Variants in FNIP1 observed in about 807,000 individuals in gnomAD.
The protein encoded by FNIP1 is folliculin interacting protein 1.
Under a neutral mutation model 124.5 loss-of-function variants are expected in FNIP1, and 40 were observed. The observed-to-expected ratio is 0.32, with a 90% CI of 0.25 to 0.42. The LOEUF (loss-of-function observed/expected upper bound fraction) is 0.42, where lower values mean the gene tolerates loss of function less well. FNIP1 is among the 10% of genes least tolerant of loss of function. The pLI, the probability that FNIP1 is intolerant of heterozygous loss-of-function variation, is 1.00. For synonymous variants in FNIP1, 472 were observed against 470.6 expected (o/e 1.00, Z -0.04); for missense variants, 1,176 against 1,403.7 (o/e 0.84, Z 2.59).
At chr5:131,721,550 G>A (rs191402767) in intron 3 of FNIP1, among the ~76,000 whole-genome samples, 1 of 152,242 alleles carries the variant, frequency 6.6e-6, no homozygotes, top group East Asian at 1.9e-4. Context: ...TGTAATACCA[G>A]CATTTTGGGA....
intron 17 of FNIP1, among the ~76,000 whole-genome samples, chr5:131,645,179 G>A (rs550329534): frequency 6.6e-6 from 1 of 152,092 alleles, no homozygotes; most frequent in South Asian, 2.1e-4. Flanking sequence ...AAAACTAGCT[G>A]GGCATGGTGG....
intron 1 of FNIP1, among the ~76,000 whole-genome samples, chr5:131,792,364 TTGG>T (rs1202619478): frequency 6.6e-6 from 1 of 152,138 alleles, no homozygotes; most frequent in Non-Finnish European, 1.5e-5. Context: ...TTTCACCACA[TTGG>T]CCAGGCTGGT....
intron 15 of FNIP1, among the ~76,000 whole-genome samples, chr5:131,662,568 G>A (rs530716777): frequency 3.3e-5 from 5 of 152,268 alleles, no homozygotes; most frequent in African/African-American, 1.2e-4. Flanking sequence ...CCCTCCCACA[G>A]TGGTGGGTGG....
chr5:131,711,525 G>C (rs1469793425), intron 6 of FNIP1, among the ~76,000 whole-genome samples: 2 of 152,176 alleles, frequency 1.3e-5, no homozygotes, highest in East Asian at 3.8e-4. Flanking sequence ...ACAGAGTTTT[G>C]CTCTGTCATG....
intron 3 of FNIP1, among the ~76,000 whole-genome samples, chr5:131,727,380 C>T (rs2161414): frequency 0.78 from 119,106 of 152,026 alleles, 46,873 homozygotes; most frequent in Middle Eastern, 0.83. Context: ...TCTTGTTACA[C>T]TGATCCCTAT....
chr5:131,785,011 TATATATGATATATATGAC>T (rs200622008), intron 1 of FNIP1, among the ~76,000 whole-genome samples: 91,261 of 128,930 alleles, frequency 0.71, 33,062 homozygotes, highest in Non-Finnish European at 0.77. Flanking sequence ...TATATGACTA[TATATATGATATATATGAC>T]ATATATATGA....
chr5:131,669,148 A>G (rs1003834475), intron 15 of FNIP1, among the ~76,000 whole-genome samples: 8 of 152,218 alleles, frequency 5.3e-5, no homozygotes, highest in African/African-American at 1.9e-4. Context: ...AATTACCAAA[A>G]TGGACTCAGA....
chr5:131,722,223 A>G (rs1180405555), intron 3 of FNIP1, among the ~76,000 whole-genome samples: 1 of 152,226 alleles, frequency 6.6e-6, no homozygotes, highest in Non-Finnish European at 1.5e-5. Flanking sequence ...CAATGCAACA[A>G]GTACACACTA....
intron 1 of FNIP1, among the ~76,000 whole-genome samples, chr5:131,759,579 T>C (rs1456534464): frequency 6.6e-6 from 1 of 152,102 alleles, no homozygotes; most frequent in South Asian, 2.1e-4. Context: ...TGGCTTTTAT[T>C]AAAAAGTCAA....
At chr5:131,664,262 A>T (rs1767527973) in intron 15 of FNIP1, among the ~76,000 whole-genome samples, 1 of 152,202 alleles carries the variant, frequency 6.6e-6, no homozygotes, top group African/African-American at 2.4e-5. Context: ...AAGGTTTATT[A>T]AAATTTTACC....
intron 13 of FNIP1, among the ~76,000 whole-genome samples, chr5:131,674,673 G>T (rs757463800): frequency 1.3e-5 from 2 of 151,802 alleles, no homozygotes; most frequent in African/African-American, 4.8e-5. Flanking sequence ...AGCTGTGATC[G>T]CACCACCACA....
At position 131,651,927 on chromosome 5, in the gene FNIP1, C is replaced by T. The variant is rs765816295; in HGVS notation, c.3181G>A (p.Val1061Met). The part of the protein sequence containing the change: ...IADMDKWTVQ[V>M]ASSQRRVTDN... ...GTCACTCGTCTCTGGCTACTGGCCA[C>T]TTGAACAGTCCATTTATCCATGTCA... The change falls in exon 16 of 18, where the codon GTG becomes ATG. Residue 1061 changes from valine (V) to methionine (M), a missense_variant. Val to Met is a conservative substitution (Grantham distance 21, BLOSUM62 1). Around this residue, in one of 2 missense-constraint regions of FNIP1, gnomAD observed 1,109 missense variants for 1,288.5 expected, o/e 0.86. Coordinates refer to ENST00000510461, the MANE Select transcript of FNIP1 (RefSeq NM_133372.3). The T allele has an allele frequency of 1.2e-6, 2 of 1,614,170 alleles. No individual in the cohort carries two copies. Among genetic ancestry groups the T allele is most frequent in the South Asian group, 1.1e-5 (1 of 91,084 alleles).
At chr5:131,670,783 G>A (rs1039840613) in intron 14 of FNIP1, 152 bp from the exon 15 acceptor site, 50 of 519,210 alleles carry the variant, frequency 9.6e-5, no homozygotes, top group African/African-American at 6.6e-4. Context: ...GGTAACAATC[G>A]TAAAAATTAA....
chr5:131,676,998 A>G, intron 13 of FNIP1, among the ~76,000 whole-genome samples: 1 of 152,250 alleles, frequency 6.6e-6, no homozygotes, highest in East Asian at 1.9e-4. Context: ...TAAAAGCAAC[A>G]GAGTAGGAGC....
intron 1 of FNIP1, among the ~76,000 whole-genome samples, chr5:131,779,358 G>C (rs1203352848): frequency 6.6e-6 from 1 of 151,984 alleles, no homozygotes; most frequent in Non-Finnish European, 1.5e-5. Flanking sequence ...ATTGTTTCAA[G>C]ATTCATATTC....
chr5:131,663,907 G>A (rs879931735), intron 15 of FNIP1, among the ~76,000 whole-genome samples: 1 of 152,218 alleles, frequency 6.6e-6, no homozygotes, highest in East Asian at 1.9e-4. Context: ...GTTTTGATGG[G>A]AGGCTATAAG....
At chr5:131,693,847 A>G (rs1768599109) in intron 11 of FNIP1, among the ~76,000 whole-genome samples, 1 of 152,096 alleles carries the variant, frequency 6.6e-6, no homozygotes, top group South Asian at 2.1e-4. Context: ...AACAAAACAA[A>G]ACAACAACAA....
chr5:131,753,749 A>T (rs549126542), intron 1 of FNIP1, among the ~76,000 whole-genome samples: 5 of 152,352 alleles, frequency 3.3e-5, no homozygotes, highest in Non-Finnish European at 5.9e-5. Context: ...TAAAAGAGAA[A>T]GACTACTAAA....
chr5:131,751,935 C>T (rs1411438814), intron 1 of FNIP1, among the ~76,000 whole-genome samples: 1 of 152,160 alleles, frequency 6.6e-6, no homozygotes, highest in Non-Finnish European at 1.5e-5. Flanking sequence ...AACAACCAAA[C>T]CAACCTAAAA....
Sources: gnomAD v4.1 joint callset for allele counts (sites outside exome capture counted in the v4.1 genomes callset) on GRCh38, gnomAD v4.1.1 for gene constraint, gnomAD v4.1.1 regional missense constraint, MANE v1.5 for transcripts, NCBI Gene and HGNC (gene_info 2026-07-23, HGNC 2026-07-21) for gene names.